Variants in ABCA13 observed in about 807,000 individuals in gnomAD.
ABCA13 encodes the protein ATP-binding cassette sub-family A member 13.
ABCA13 carries 476 observed loss-of-function variants against 478.7 expected under a neutral mutation model. The ratio of observed to expected loss-of-function variants is 0.99; its 90% CI spans 0.92 to 1.07. The LOEUF (loss-of-function observed/expected upper bound fraction) is 1.07, where lower values mean the gene tolerates loss of function less well. Ranked by LOEUF, ABCA13 falls within the 50% of genes least tolerant of loss-of-function variation. The pLI is 0.00. For missense variants in ABCA13, 6,060 were observed against 5,910.6 expected, an observed-to-expected ratio of 1.03 and a Z score of -0.83; for synonymous variants, 2,252 against 2,158.9, an observed-to-expected ratio of 1.04 and a Z score of -1.20.
intron 55 of ABCA13, among the ~76,000 whole-genome samples, chr7:48,555,290 T>C (rs2131221634): frequency 6.6e-6 from 1 of 152,020 alleles, no homozygotes; most frequent in African/African-American, 2.4e-5. Context: ...TGGCACATAG[T>C]TTTCTTTTTT....
chr7:48,427,363 G>C (rs1821572510), intron 41 of ABCA13, among the ~76,000 whole-genome samples: 1 of 152,176 alleles, frequency 6.6e-6, no homozygotes, highest in Admixed American at 6.5e-5. Flanking sequence ...CCCATCTACT[G>C]TAAGTAAACT....
chr7:48,619,695 TG>T (rs1171695887), intron 59 of ABCA13, among the ~76,000 whole-genome samples: 1 of 152,082 alleles, frequency 6.6e-6, no homozygotes, highest in Non-Finnish European at 1.5e-5. Context: ...ATATGCCAAG[TG>T]GCCTCCAAAC....
rs143153365 is a variant in ABCA13, at chr7:48,342,377, C to T, written c.10204+3922C>T. Reference sequence around the variant, plus strand: ...TATGACTGTGGGATTGCCTATTTCTCCTTGAGGTTCTGTCCACTTAGGCTT... The same window carrying T: ...TATGACTGTGGGATTGCCTATTTCTTCTTGAGGTTCTGTCCACTTAGGCTT... On this transcript the variant is annotated intron_variant, in intron 29 of 61. Coordinates refer to ENST00000435803, the MANE Select transcript of ABCA13 (RefSeq NM_152701.5). Among the ~76,000 whole-genome samples the T allele has an allele frequency of 3.9e-5, 6 of 152,214 alleles. No individual in the cohort carries two copies. The East Asian group carries it at 9.7e-4, about 25-fold the overall frequency.
chr7:48,634,761 A>G (rs1794486419), intron 59 of ABCA13, among the ~76,000 whole-genome samples: 1 of 152,174 alleles, frequency 6.6e-6, no homozygotes, highest in African/African-American at 2.4e-5. Flanking sequence ...TAATGGAAGT[A>G]TTATTACTAT....
At chr7:48,250,571 A>G (rs116916890) in intron 15 of ABCA13, among the ~76,000 whole-genome samples, 1 of 152,220 alleles carries the variant, frequency 6.6e-6, no homozygotes, top group South Asian at 2.1e-4. Flanking sequence ...CTGTCAGGAA[A>G]CAATGGCCTA....
At chr7:48,381,834 A>G (rs1382492566) in intron 35 of ABCA13, among the ~76,000 whole-genome samples, 4 of 152,142 alleles carry the variant, frequency 2.6e-5, no homozygotes, top group Non-Finnish European at 5.9e-5. Context: ...GCCCAATTAC[A>G]TCTGGTAATG....
chr7:48,578,117 A>G (rs1788365038), intron 55 of ABCA13, among the ~76,000 whole-genome samples: 1 of 152,140 alleles, frequency 6.6e-6, no homozygotes, highest in Non-Finnish European at 1.5e-5. Flanking sequence ...CAAGTGATAT[A>G]CTAAATCATG....
At chr7:48,283,378 C>A (rs975723389) in intron 19 of ABCA13, among the ~76,000 whole-genome samples, 4 of 151,932 alleles carry the variant, frequency 2.6e-5, no homozygotes, top group African/African-American at 9.7e-5. Context: ...TAGAAAGAAG[C>A]TAAAGTATGG....
At chr7:48,431,523 G>A (rs1189399713) in intron 42 of ABCA13, among the ~76,000 whole-genome samples, 1 of 152,176 alleles carries the variant, frequency 6.6e-6, no homozygotes, top group Middle Eastern at 3.2e-3. Context: ...TTTGTGTGTA[G>A]TGGTTGTTCA....
rs1795641308 is a variant in ABCA13 at position 48,271,766 on chromosome 7, A to G, written c.2121-21A>G. On this transcript the variant is annotated intron_variant, in intron 16 of 61. Transcript: ENST00000435803. ...ATTTATTTTTTTATTTTATACTAAA[A>G]TAATTCTATTAATATTACAGGGCTT... The G allele has an allele frequency of 3.2e-6, 4 of 1,268,600 alleles. No individual in the cohort carries two copies. The South Asian group carries it at 1.1e-4, about 35-fold the overall frequency. 78.6% of individuals were successfully genotyped at this position (1,268,600 alleles called of 1,614,324 possible). A position where few individuals can be genotyped will look rare whatever the true frequency, so the allele number is the denominator to read the frequency against.
At chr7:48,473,800 G>C (rs900303183) in intron 45 of ABCA13, among the ~76,000 whole-genome samples, 2 of 152,112 alleles carry the variant, frequency 1.3e-5, no homozygotes, top group African/African-American at 4.8e-5. Context: ...CAGATAAAAA[G>C]TTTTTTTGTT....
rs575451872 is a variant in ABCA13 at position 48,280,050 on chromosome 7, T to C, written c.8726+130T>C. The C allele has an allele frequency of 4.0e-5, 42 of 1,041,596 alleles. 1 individual carries two copies. The South Asian group carries it at 1.2e-3, about 30-fold the overall frequency. 64.5% of individuals were successfully genotyped at this position (1,041,596 alleles called of 1,614,324 possible). ...CTTCAACTTTGTTTACACTCTGAAG[T>C]TGGCTTCAACATAGAGCAATTCAGG... On this transcript the variant is annotated intron_variant, in intron 18 of 61. Coordinates refer to ENST00000435803, the MANE Select transcript of ABCA13 (RefSeq NM_152701.5).
intron 55 of ABCA13, among the ~76,000 whole-genome samples, chr7:48,563,818 G>GTA (rs1033480941): frequency 2.6e-5 from 4 of 151,328 alleles, no homozygotes; most frequent in Non-Finnish European, 2.9e-5. Flanking sequence ...GTGTGTGTGT[G>GTA]TGTGTGTGTG....
At chr7:48,605,313 C>A (rs934927743) in intron 58 of ABCA13, among the ~76,000 whole-genome samples, 1 of 152,158 alleles carries the variant, frequency 6.6e-6, no homozygotes. Flanking sequence ...GATGCAGTTT[C>A]TTCATAGCAT....
intron 42 of ABCA13, among the ~76,000 whole-genome samples, chr7:48,429,242 T>G (rs1821822086): frequency 6.6e-6 from 1 of 152,256 alleles, no homozygotes; most frequent in South Asian, 2.1e-4. Context: ...AATATACTAT[T>G]ATGAACATTT....
At chr7:48,233,541 G>C (rs1174825147) in intron 7 of ABCA13, among the ~76,000 whole-genome samples, 2 of 151,970 alleles carry the variant, frequency 1.3e-5, no homozygotes, top group Non-Finnish European at 2.9e-5. Flanking sequence ...TAATTATTGA[G>C]AATACAGTTT....
At chr7:48,215,534 A>T (rs1239765772) in intron 3 of ABCA13, among the ~76,000 whole-genome samples, 4 of 152,198 alleles carry the variant, frequency 2.6e-5, no homozygotes, top group Admixed American at 2.6e-4. Context: ...GCATTGATAG[A>T]CTTGCTCAGT....
chr7:48,573,621 C>T (rs993248515), intron 55 of ABCA13, among the ~76,000 whole-genome samples: 2 of 152,052 alleles, frequency 1.3e-5, no homozygotes, highest in African/African-American at 4.8e-5. Context: ...GTAGTCTGAG[C>T]TACTTGGGAG....
At chr7:48,282,342 G>A (rs1255402986) in intron 19 of ABCA13, among the ~76,000 whole-genome samples, 1 of 152,204 alleles carries the variant, frequency 6.6e-6, no homozygotes, top group Non-Finnish European at 1.5e-5. Flanking sequence ...GTAATTCACA[G>A]GTGCACAGAG....
Sources: allele counts gnomAD v4.1 joint callset (sites outside exome capture counted in the v4.1 genomes callset), GRCh38; gene constraint gnomAD v4.1.1; transcripts MANE v1.5; gene names NCBI Gene and HGNC (gene_info 2026-07-23, HGNC 2026-07-21).